APP: variants seen among roughly 807,000 people sequenced by gnomAD.
APP encodes amyloid beta precursor protein.
A neutral mutation model predicts 101.4 loss-of-function variants in APP; 31 were observed. The ratio of observed to expected loss-of-function variants is 0.31; its 90% CI spans 0.23 to 0.41. The LOEUF (loss-of-function observed/expected upper bound fraction) is 0.41. APP is among the 10% of genes least tolerant of loss of function. The pLI, the probability that APP is intolerant of heterozygous loss-of-function variation, is 1.00. For missense variants in APP, 839 were observed against 1,003.7 expected, an observed-to-expected ratio of 0.84 and a Z score of 2.22; for synonymous variants, 366 against 364.4, an observed-to-expected ratio of 1.00 and a Z score of -0.05.
intron 9 of APP, among the ~76,000 whole-genome samples, chr21:25,981,175 G>T (rs2146596364): frequency 6.6e-6 from 1 of 152,214 alleles, no homozygotes; most frequent in South Asian, 2.1e-4. Flanking sequence ...ATCTTCCTGG[G>T]GTCAGCAGGG....
chr21:26,071,921 C>T lies in APP; in HGVS notation c.355+18022G>A, dbSNP rs148148306. Among the ~76,000 whole-genome samples the T allele has an allele frequency of 1.1e-4, 17 of 152,330 alleles. No individual in the cohort carries two copies. The East Asian group carries it at 3.3e-3, about 29-fold the overall frequency. On this transcript the variant is annotated intron_variant, in intron 3 of 17. Transcript: ENST00000346798. ...AAGGTCAGTTCCCTCTCTTGAGGGA[C>T]CCCCTCCCCACTCACGCTATTACAC...
At chr21:26,129,921 T>C (rs896137003) in intron 1 of APP, among the ~76,000 whole-genome samples, 1 of 152,226 alleles carries the variant, frequency 6.6e-6, no homozygotes, top group Non-Finnish European at 1.5e-5. Flanking sequence ...CTTTAGAAAA[T>C]CTTTACAAAA....
At chr21:26,105,192 G>A (rs1413270422) in intron 2 of APP, among the ~76,000 whole-genome samples, 1 of 151,612 alleles carries the variant, frequency 6.6e-6, no homozygotes, top group Admixed American at 6.6e-5. Flanking sequence ...TGAAGCAATT[G>A]TTCAATAATA....
chr21:25,967,500 G>A (rs1019586332), intron 11 of APP, among the ~76,000 whole-genome samples: 6 of 152,224 alleles, frequency 3.9e-5, no homozygotes, highest in Admixed American at 6.5e-5. Context: ...AGCTTTGGCT[G>A]TGTATCCCTT....
At chr21:26,154,420 T>A (rs545182399) in intron 1 of APP, among the ~76,000 whole-genome samples, 3 of 152,072 alleles carry the variant, frequency 2.0e-5, no homozygotes, top group African/African-American at 7.2e-5. Context: ...GTGCTCACAA[T>A]AGAAAAAGAT....
At chr21:26,088,841 CTCTCTTCATCAATTACAT>C (rs1568959412) in intron 3 of APP, among the ~76,000 whole-genome samples, 1 of 152,174 alleles carries the variant, frequency 6.6e-6, no homozygotes, top group African/African-American at 2.4e-5. Flanking sequence ...GTTTTCTACA[CTCTCTTCATCAATTACAT>C]TGTAAGTAAA....
At chr21:25,940,615 A>C (rs216763) in intron 13 of APP, among the ~76,000 whole-genome samples, 1 of 152,068 alleles carries the variant, frequency 6.6e-6, no homozygotes, top group Non-Finnish European at 1.5e-5. Flanking sequence ...GCAGCTGTTA[A>C]ATTTTTGTGA....
At chr21:25,948,004 CAAA>C (rs34371241) in intron 13 of APP, among the ~76,000 whole-genome samples, 6 of 71,090 alleles carry the variant, frequency 8.4e-5, no homozygotes, top group Admixed American at 1.7e-4. Flanking sequence ...GACTCCATCT[CAAA>C]AAAAAAAAAA....
At position 26,040,588 on chromosome 21, in the gene APP, T is replaced by C. The variant is rs527378004; in HGVS notation, c.662+10412A>G. Among the ~76,000 whole-genome samples the C allele has an allele frequency of 5.1e-5, 7 of 136,338 alleles. No individual in the cohort carries two copies. In the South Asian group the frequency reaches 1.6e-3, roughly 31 times the overall value. The allele number at this position is 136,338 out of a possible 152,430, so 89.4% of individuals were successfully genotyped here. A position where few individuals can be genotyped will look rare whatever the true frequency, so the allele number is the denominator to read the frequency against. On this transcript the variant is annotated intron_variant, in intron 5 of 17. Transcript: ENST00000346798. The stretch of plus-strand genomic sequence containing the variant: ...CTGCACTCCAGCCTGGGCAACAGAG[T>C]GAGACTCCGTCTCCATTAAAAAAAA...
intron 11 of APP, among the ~76,000 whole-genome samples, chr21:25,973,977 A>G (rs973345383): frequency 2.7e-5 from 4 of 148,916 alleles, no homozygotes; most frequent in African/African-American, 7.5e-5. Context: ...ACAAGTGGAC[A>G]TAAGTTACAC....
rs952294710 is a variant in APP, at chr21:26,053,503, G to A, written c.356-155C>T. On this transcript the variant is annotated intron_variant, in intron 3 of 17. Transcript: ENST00000346798. ...GACCCTACTACCTTTAGAATGTTAC[G>A]TCTGGCCTCCTTAAGCAACTCCGTT... The A allele has an allele frequency of 3.4e-5, 21 of 614,064 alleles. No homozygotes were observed. In the Admixed American group the frequency reaches 4.3e-4, roughly 13 times the overall value. The allele number at this position is 614,064 out of a possible 1,614,324, so 38.0% of individuals were successfully genotyped here.
intron 2 of APP, among the ~76,000 whole-genome samples, chr21:26,095,819 T>C (rs1024304620): frequency 9.2e-5 from 14 of 152,254 alleles, no homozygotes; most frequent in South Asian, 2.1e-4. Context: ...ATGACAAGCA[T>C]TGCAAATAAT....
intron 2 of APP, among the ~76,000 whole-genome samples, chr21:26,100,711 C>G (rs780433298): frequency 6.6e-6 from 1 of 152,228 alleles, no homozygotes; most frequent in Non-Finnish European, 1.5e-5. Context: ...TGTGCAGGCA[C>G]TGCTGTGCTT....
intron 11 of APP, among the ~76,000 whole-genome samples, chr21:25,959,515 C>A (rs1394683849): frequency 6.6e-6 from 1 of 152,194 alleles, no homozygotes; most frequent in Admixed American, 6.5e-5. Flanking sequence ...GGAGTACTTG[C>A]CTGACTTTCT....
chr21:26,017,495 A>T (rs1211799608), intron 6 of APP, among the ~76,000 whole-genome samples: 1 of 152,092 alleles, frequency 6.6e-6, no homozygotes, highest in Non-Finnish European at 1.5e-5. Context: ...AGGCTTCAAA[A>T]ATCTGCCAGT....
rs1459435816 is a variant in APP, at chr21:26,053,249, G to A, written c.455C>T (p.Thr152Ile). 5.6e-6 allele frequency: 9 copies of A among 1,612,518 alleles called. No homozygotes were observed. The highest frequency in any genetic ancestry group is 7.6e-6 in the Non-Finnish European group (9 of 1,178,574). Residue 152 changes from threonine (T) to isoleucine (I), a missense_variant, in exon 4 of 18, where the codon ACC becomes ATC. Thr to Ile is a moderately conservative substitution (Grantham distance 89, BLOSUM62 -1). Transcript: ENST00000346798. ...DVCETHLHWH[T>I]VAKETCSEKS... is the part of the protein sequence containing the mutation. ...ATGGGCTGGTACCTCTTTGGCGACG[G>A]TGTGCCAGTGAAGATGAGTTTCGCA... is the stretch of plus-strand genomic sequence containing the variant.
At chr21:25,888,655 G>A (rs1317340695) in intron 17 of APP, among the ~76,000 whole-genome samples, 2 of 152,132 alleles carry the variant, frequency 1.3e-5, no homozygotes, top group African/African-American at 4.8e-5. Context: ...CATCCTTCCC[G>A]ATTTTGCTCC....
intron 13 of APP, among the ~76,000 whole-genome samples, chr21:25,912,302 C>T (rs1362190223): frequency 6.6e-6 from 1 of 152,160 alleles, no homozygotes; most frequent in East Asian, 1.9e-4. Flanking sequence ...CACAGTTAGA[C>T]GTCCCTAGTA....
chr21:25,896,163 A>G (rs1396177686), intron 16 of APP, among the ~76,000 whole-genome samples: 5 of 152,204 alleles, frequency 3.3e-5, no homozygotes, highest in Non-Finnish European at 5.9e-5. Context: ...CCCTGATCTT[A>G]TAACAACTGA....
Sources: allele counts gnomAD v4.1 joint callset (sites outside exome capture counted in the v4.1 genomes callset), GRCh38; gene constraint gnomAD v4.1.1; transcripts MANE v1.5; gene names NCBI Gene and HGNC (gene_info 2026-07-23, HGNC 2026-07-21).